Variants in ENDOV observed in about 807,000 individuals in gnomAD.
The protein encoded by ENDOV is endonuclease V, also known as hEndoV.
In ENDOV, 37 loss-of-function variants were observed where a neutral mutation model predicts 39.4. The observed-to-expected ratio is 0.94, with a 90% CI of 0.72 to 1.23. ENDOV has a LOEUF of 1.23. Among genes scored for constraint, ENDOV ranks in the 50% most tolerant of loss-of-function variants. The pLI is 0.00. For synonymous variants in ENDOV, 186 were observed against 163.4 expected, an observed-to-expected ratio of 1.14 and a Z score of -1.05; for missense variants, 441 against 375.7, an observed-to-expected ratio of 1.17 and a Z score of -1.44.
chr17:80,425,373 C>A, intron 6 of ENDOV, 119 bp from the exon 7 acceptor site: 1 of 1,410,010 alleles, frequency 7.1e-7, no homozygotes, highest in Non-Finnish European at 9.5e-7. Context: ...GAGAGCACTG[C>A]CCCTTCAGCT....
chr17:80,422,066 G>A lies in ENDOV; in HGVS notation c.363+104G>A. On this transcript the variant is annotated intron_variant, in intron 3 of 9. Transcript: ENST00000518137. ...ACCACAGTGGCAGGGAGAGACTCAT[G>A]AGCTTCCTGGAAGAGAGGAATGAGG... is the stretch of plus-strand genomic sequence containing the variant. 14 of 1,557,188 alleles carry A rather than the reference G, an allele frequency of 9.0e-6. 2 individuals carry two copies. The South Asian group carries it at 1.6e-4, about 18-fold the overall frequency.
intron 9 of ENDOV, among the ~76,000 whole-genome samples, chr17:80,435,910 C>T (rs1196083462): frequency 6.6e-6 from 1 of 151,996 alleles, no homozygotes; most frequent in East Asian, 1.9e-4. Context: ...GCCATTGTGT[C>T]CGGCCTAGTT....
At chr17:80,422,654 C>A (rs1212220739) in intron 4 of ENDOV, among the ~76,000 whole-genome samples, 1 of 152,238 alleles carries the variant, frequency 6.6e-6, no homozygotes, top group African/African-American at 2.4e-5. Context: ...TACCCAGGCC[C>A]CCACTGATGC....
intron 1 of ENDOV, 178 bp from the exon 2 acceptor site, chr17:80,415,472 T>C (rs1379911995): frequency 6.9e-6 from 7 of 1,019,428 alleles, no homozygotes; most frequent in Non-Finnish European, 9.9e-6. Flanking sequence ...GGCCTGCGCT[T>C]GCGCGGGTCT....
chr17:80,420,083 C>T (rs1185325432), intron 2 of ENDOV: 2 of 228,370 alleles, frequency 8.8e-6, no homozygotes, highest in South Asian at 6.5e-5. Flanking sequence ...TATTCTCTCT[C>T]GCGCACATGC....
At chr17:80,419,537 T>C (rs998304858) in intron 2 of ENDOV, 3 of 700,536 alleles carry the variant, frequency 4.3e-6, no homozygotes, top group African/African-American at 3.5e-5. Context: ...TAGTGTGTTC[T>C]GCTCCGCAGG....
Position 80,436,949 on chromosome 17 carries a change from T to C in ENDOV, c.*806T>C, listed in dbSNP as rs35832855. On this transcript the variant is annotated 3_prime_UTR_variant, in exon 10 of 10. Transcript: ENST00000518137. ...TATAGATCGTTCGGATTGTCCATCCTTGAGTCAGTTGCTAGCTTGTGTGTT... is the reference window on the plus strand; with the variant it reads ...TATAGATCGTTCGGATTGTCCATCCCTGAGTCAGTTGCTAGCTTGTGTGTT... 50,526 of 152,644 alleles carry C rather than the reference T, an allele frequency of 0.33. 10,015 individuals carry two copies. The highest frequency in any genetic ancestry group is 0.43 in the Non-Finnish European group (29,468 of 68,040). The allele number at this position is 152,644 out of a possible 1,614,324, so 9.5% of individuals were successfully genotyped here.
At chr17:80,417,535 G>C (rs934038349) in intron 2 of ENDOV, 2 of 152,314 alleles carry the variant, frequency 1.3e-5, no homozygotes, top group Non-Finnish European at 2.9e-5. Context: ...AGCGCAATCA[G>C]GTTGTGGTGA....
At chr17:80,425,673 A>G in intron 7 of ENDOV, 53 bp downstream of exon 7, 1 of 1,536,930 alleles carries the variant, frequency 6.5e-7, no homozygotes, top group Middle Eastern at 2.3e-4. Context: ...GCTTCCTGCC[A>G]CCTGCTGTTC....
rs770410227 is a variant in ENDOV at position 80,436,215 on chromosome 17, C to A, written c.*72C>A. The A allele has an allele frequency of 1.2e-5, 18 of 1,561,308 alleles. No homozygotes were observed. The highest frequency in any genetic ancestry group is 1.1e-4 in the Admixed American group (6 of 56,612). ...CGGTGGTGAGAGCACACGTCCTCGT[C>A]TCGTTCCTGATCGAACGCGGTGGTG... On this transcript the variant is annotated 3_prime_UTR_variant, in exon 10 of 10. Transcript: ENST00000518137.
intron 7 of ENDOV, 36 bp downstream of exon 7, chr17:80,425,656 C>T: frequency 6.5e-7 from 1 of 1,547,002 alleles, no homozygotes; most frequent in Non-Finnish European, 8.7e-7. Flanking sequence ...GCAGCACAGG[C>T]TCCTCTGCTT....
intron 5 of ENDOV, chr17:80,423,860 C>T (rs2082360979): frequency 1.8e-6 from 1 of 546,204 alleles, no homozygotes; most frequent in Non-Finnish European, 3.2e-6. Flanking sequence ...GTGCCTGCCT[C>T]TCTGGTCCCC....
At chr17:80,430,601 G>C (rs1484472968) in intron 9 of ENDOV, among the ~76,000 whole-genome samples, 1 of 152,240 alleles carries the variant, frequency 6.6e-6, no homozygotes, top group Non-Finnish European at 1.5e-5. Context: ...CCCAGGAAGA[G>C]GGAGCAGAGA....
At chr17:80,415,897 G>A in intron 2 of ENDOV, 76 bp downstream of exon 2, 1 of 1,498,846 alleles carries the variant, frequency 6.7e-7, no homozygotes, top group Non-Finnish European at 8.9e-7. Context: ...ACAGGGAGCA[G>A]TGCAAGCGTA....
chr17:80,415,365 T>G (rs1360184821), intron 1 of ENDOV, 115 bp downstream of exon 1: 5 of 1,304,694 alleles, frequency 3.8e-6, no homozygotes, highest in Non-Finnish European at 5.3e-6. Context: ...CGCCCGAGAC[T>G]CCAAAGCAAA....
intron 4 of ENDOV, among the ~76,000 whole-genome samples, 166 bp downstream of exon 4, chr17:80,422,411 C>T (rs914794891): frequency 2.3e-4 from 35 of 151,228 alleles, no homozygotes; most frequent in Non-Finnish European, 4.9e-4. Context: ...CGCTCAGCCC[C>T]GCCTCCCCCA....
chr17:80,423,229 A>G (rs2144960300), intron 4 of ENDOV, among the ~76,000 whole-genome samples: 1 of 152,358 alleles, frequency 6.6e-6, no homozygotes, highest in South Asian at 2.1e-4. Flanking sequence ...TGGGAGGTGC[A>G]GGAAATGACC....
chr17:80,436,451 A>T lies in ENDOV; in HGVS notation c.*308A>T. 1 of 1,099,416 alleles carries T rather than the reference A, an allele frequency of 9.1e-7. No individual in the cohort carries two copies. Among genetic ancestry groups the T allele is most frequent in the Non-Finnish European group, 1.2e-6 (1 of 834,256 alleles). 68.1% of individuals were successfully genotyped at this position (1,099,416 alleles called of 1,614,324 possible). A position where few individuals can be genotyped will look rare whatever the true frequency, so the allele number is the denominator to read the frequency against. ...CATCCAGCTGAAGACGGTCCCTTCT[A>T]GTCCTAATTTGTTAAGTGTTTTTAT... On this transcript the variant is annotated 3_prime_UTR_variant, in exon 10 of 10. Transcript: ENST00000518137.
chr17:80,415,265 C>G lies in ENDOV; in HGVS notation c.56+15C>G. The G allele has an allele frequency of 6.2e-7, 1 of 1,612,952 alleles. No individual in the cohort carries two copies. The highest frequency in any genetic ancestry group is 8.5e-7 in the Non-Finnish European group (1 of 1,179,530). ...CTGTGGAAACGGTAATGCTGTCAGG[C>G]GACGCGCAGGAGGCGGGGGCCGAGG... On this transcript the variant is annotated intron_variant, in intron 1 of 9. Transcript: ENST00000518137.
Sources: allele counts gnomAD v4.1 joint callset (sites outside exome capture counted in the v4.1 genomes callset), GRCh38; gene constraint gnomAD v4.1.1; transcripts MANE v1.5; gene names NCBI Gene and HGNC (gene_info 2026-07-23, HGNC 2026-07-21).